Variants in TMEM178B observed in about 807,000 individuals in gnomAD.
The protein encoded by TMEM178B is transmembrane protein 178B.
In TMEM178B, 5 loss-of-function variants were observed where a neutral mutation model predicts 31.0. That is an observed-to-expected ratio of 0.16 (90% CI 0.08 to 0.34). TMEM178B has a LOEUF of 0.34. Ranked by LOEUF, TMEM178B falls within the 10% of genes least tolerant of loss-of-function variation. TMEM178B has a pLI of 1.00. For synonymous variants in TMEM178B, 164 were observed against 164.0 expected (o/e 1.00, Z 0.00); for missense variants, 275 against 400.3 (o/e 0.69, Z 2.67).
intron 3 of TMEM178B, among the ~76,000 whole-genome samples, chr7:141,447,323 C>T (rs1801777979): frequency 6.6e-6 from 1 of 151,866 alleles, no homozygotes; most frequent in East Asian, 1.9e-4. Flanking sequence ...ATGTAGGGGG[C>T]AGGAAGCCAT....
At chr7:141,326,827 A>G (rs1264751587) in intron 2 of TMEM178B, among the ~76,000 whole-genome samples, 1 of 152,180 alleles carries the variant, frequency 6.6e-6, no homozygotes, top group Non-Finnish European at 1.5e-5. Context: ...CAACAATGCA[A>G]ATCTTCTCTA....
intron 1 of TMEM178B, among the ~76,000 whole-genome samples, chr7:141,126,061 G>C (rs1014337460): frequency 1.3e-5 from 2 of 152,194 alleles, no homozygotes; most frequent in African/African-American, 4.8e-5. Flanking sequence ...GAGCAAGACA[G>C]TTACCAAGCG....
At chr7:141,242,908 C>T (rs1797651317) in intron 2 of TMEM178B, among the ~76,000 whole-genome samples, 1 of 152,056 alleles carries the variant, frequency 6.6e-6, no homozygotes, top group Non-Finnish European at 1.5e-5. Flanking sequence ...CTCCTGTCTC[C>T]TGTCTTTATG....
At chr7:141,197,698 T>C (rs947161361) in intron 1 of TMEM178B, among the ~76,000 whole-genome samples, 1 of 152,162 alleles carries the variant, frequency 6.6e-6, no homozygotes, top group African/African-American at 2.4e-5. Context: ...AGTGGTGCGA[T>C]CTTGGCTCAC....
chr7:141,369,315 ACGTGTGTG>A (rs930884990), intron 2 of TMEM178B, among the ~76,000 whole-genome samples: 2 of 108,788 alleles, frequency 1.8e-5, no homozygotes, highest in African/African-American at 7.3e-5. Flanking sequence ...CTCCGCGCCG[ACGTGTGTG>A]TGTGTGTGTG....
intron 3 of TMEM178B, among the ~76,000 whole-genome samples, chr7:141,463,087 A>G (rs6953687): frequency 0.12 from 17,533 of 152,200 alleles, 3,034 homozygotes; most frequent in African/African-American, 0.38. Context: ...CACAGCTCTC[A>G]GCCTGCAGCT....
intron 2 of TMEM178B, among the ~76,000 whole-genome samples, chr7:141,386,233 G>A (rs1378271181): frequency 6.6e-6 from 1 of 152,164 alleles, no homozygotes; most frequent in Non-Finnish European, 1.5e-5. Context: ...TTTCTCTCCT[G>A]GGTGATGACC....
rs1289345289 is a variant in TMEM178B, at chr7:141,318,303, T to C, written c.496+105599T>C. The stretch of plus-strand genomic sequence containing the variant: ...GATGATGGCTGGCCATTCTTTCTTA[T>C]AACCCATTTTGAGAGTGGGAATGGG... On this transcript the variant is annotated intron_variant, in intron 2 of 3. Transcript: ENST00000565468. The surrounding 1 kb of genome is among the most constrained non-coding windows in gnomAD (Gnocchi z 4.1). Among the ~76,000 whole-genome samples the C allele has an allele frequency of 6.6e-6, 1 of 152,206 alleles. No homozygotes were observed. Among genetic ancestry groups the C allele is most frequent in the Non-Finnish European group, 1.5e-5 (1 of 68,036 alleles).
At chr7:141,367,600 G>A (rs1254789677) in intron 2 of TMEM178B, among the ~76,000 whole-genome samples, 1 of 152,154 alleles carries the variant, frequency 6.6e-6, no homozygotes, top group Non-Finnish European at 1.5e-5. Flanking sequence ...TAGGACCCAG[G>A]CATGATGCTG....
intron 1 of TMEM178B, among the ~76,000 whole-genome samples, chr7:141,089,612 A>G (rs1036971949): frequency 7.2e-5 from 11 of 152,236 alleles, no homozygotes; most frequent in Non-Finnish European, 1.2e-4. Flanking sequence ...AACTAACCCA[A>G]ATGTCCATCA....
intron 2 of TMEM178B, among the ~76,000 whole-genome samples, chr7:141,272,276 A>G (rs1253750290): frequency 6.6e-6 from 1 of 152,180 alleles, no homozygotes; most frequent in Admixed American, 6.5e-5. Context: ...TGATTATGTT[A>G]CTTTAAATTT....
At chr7:141,308,933 G>A (rs971922367) in intron 2 of TMEM178B, among the ~76,000 whole-genome samples, 1 of 152,126 alleles carries the variant, frequency 6.6e-6, no homozygotes, top group African/African-American at 2.4e-5. Context: ...AACAAACATG[G>A]TATAAAGCCA....
chr7:141,135,696 A>G (rs1330547010), intron 1 of TMEM178B, among the ~76,000 whole-genome samples: 2 of 152,214 alleles, frequency 1.3e-5, no homozygotes, highest in South Asian at 2.1e-4. Flanking sequence ...GAAAATTGAA[A>G]CACAGCATAC....
In TMEM178B at chr7:141,418,409, A is replaced by G. The variant is rs1366222664; in HGVS notation, c.497-19199A>G. ...GTAGGGGCCACGCAGGAAAAAAAAC[A>G]TGCTGTAGTAGAAACCATGCTTCCT... On this transcript the variant is annotated intron_variant, in intron 2 of 3. Coordinates refer to ENST00000565468, the MANE Select transcript of TMEM178B (RefSeq NM_001195278.2). Among the ~76,000 whole-genome samples the G allele has an allele frequency of 2.6e-5, 4 of 152,272 alleles. No individual in the cohort carries two copies. The East Asian group carries it at 7.7e-4, about 29-fold the overall frequency.
chr7:141,280,816 T>G (rs1798345272), intron 2 of TMEM178B, among the ~76,000 whole-genome samples: 1 of 152,180 alleles, frequency 6.6e-6, no homozygotes, highest in Non-Finnish European at 1.5e-5. Context: ...ACCCTGGGTC[T>G]CGGGGGAATG....
intron 2 of TMEM178B, among the ~76,000 whole-genome samples, chr7:141,366,967 G>C (rs759988770): frequency 6.6e-6 from 1 of 152,070 alleles, no homozygotes; most frequent in Non-Finnish European, 1.5e-5. Flanking sequence ...ATGCTAAATT[G>C]AATGTGGAGG....
chr7:141,245,672 C>T (rs929743377), intron 2 of TMEM178B, among the ~76,000 whole-genome samples: 19 of 152,140 alleles, frequency 1.2e-4, no homozygotes, highest in African/African-American at 4.1e-4. Flanking sequence ...GCAGCCACAT[C>T]GTATACATAA....
chr7:141,264,687 A>G (rs995539854), intron 2 of TMEM178B, among the ~76,000 whole-genome samples: 4 of 152,234 alleles, frequency 2.6e-5, no homozygotes, highest in African/African-American at 9.6e-5. Context: ...AAGGATAAAT[A>G]TATCTTAACC....
At chr7:141,507,918 G>A in the TMEM178B span, among the ~76,000 whole-genome samples, 23 of 152,234 alleles carry the variant, frequency 1.5e-4, no homozygotes, top group Admixed American at 2.6e-4. Context: ...AAGGGCTGCC[G>A]TGAAGGTCTG....
Sources: allele counts gnomAD v4.1 joint callset (sites outside exome capture counted in the v4.1 genomes callset), GRCh38; gene constraint gnomAD v4.1.1; non-coding constraint Gnocchi (gnomAD v3.1); transcripts MANE v1.5; gene names NCBI Gene and HGNC (gene_info 2026-07-23, HGNC 2026-07-21).